ABCA13: variants seen among roughly 807,000 people sequenced by gnomAD.
The protein encoded by ABCA13 is ATP-binding cassette sub-family A member 13.
In ABCA13, 476 loss-of-function variants were observed where a neutral mutation model predicts 478.7. That is an observed-to-expected ratio of 0.99 (90% CI 0.92 to 1.07). The LOEUF (loss-of-function observed/expected upper bound fraction) is 1.07, where lower values mean the gene tolerates loss of function less well. Ranked by LOEUF, ABCA13 falls within the 50% of genes least tolerant of loss-of-function variation. The pLI is 0.00. For synonymous variants in ABCA13, 2,252 were observed against 2,158.9 expected (o/e 1.04, Z -1.20); for missense variants, 6,060 against 5,910.6 (o/e 1.03, Z -0.83).
At chr7:48,479,260 CAG>C (rs1432390159) in intron 45 of ABCA13, among the ~76,000 whole-genome samples, 3 of 135,018 alleles carry the variant, frequency 2.2e-5, no homozygotes, top group African/African-American at 8.4e-5. Flanking sequence ...TTTTTTGAGA[CAG>C]AGTCTCGCTC....
chr7:48,496,702 T>A (rs1830307672), intron 48 of ABCA13, among the ~76,000 whole-genome samples: 1 of 152,178 alleles, frequency 6.6e-6, no homozygotes, highest in South Asian at 2.1e-4. Context: ...ATATTTTCAC[T>A]GAATATAGAA....
intron 27 of ABCA13, among the ~76,000 whole-genome samples, chr7:48,330,787 A>T (rs1425067875): frequency 5.3e-5 from 8 of 152,208 alleles, no homozygotes; most frequent in Admixed American, 5.2e-4. Context: ...CCATCTATAC[A>T]TTAATCCATT....
At chr7:48,236,660 C>G (rs1331637306) in intron 8 of ABCA13, among the ~76,000 whole-genome samples, 1 of 152,200 alleles carries the variant, frequency 6.6e-6, no homozygotes, top group East Asian at 1.9e-4. Context: ...AATAAAAACC[C>G]TTGTGGTTAC....
At chr7:48,461,248 G>C (rs1353684867) in intron 43 of ABCA13, among the ~76,000 whole-genome samples, 1 of 152,148 alleles carries the variant, frequency 6.6e-6, no homozygotes, top group Non-Finnish European at 1.5e-5. Context: ...AACATACAAA[G>C]TGCTGGCTGC....
intron 27 of ABCA13, among the ~76,000 whole-genome samples, chr7:48,321,218 A>G (rs1480047505): frequency 6.6e-6 from 1 of 152,218 alleles, no homozygotes; most frequent in East Asian, 1.9e-4. Context: ...GGATGCTGCT[A>G]TACATCCTAC....
At chr7:48,277,628 C>G (rs970284530) in intron 17 of ABCA13, among the ~76,000 whole-genome samples, 1 of 152,154 alleles carries the variant, frequency 6.6e-6, no homozygotes, top group Non-Finnish European at 1.5e-5. Flanking sequence ...GAGAAACATA[C>G]AAGAAAGGGG....
At chr7:48,367,289 T>C (rs1010405374) in intron 31 of ABCA13, among the ~76,000 whole-genome samples, 1 of 152,132 alleles carries the variant, frequency 6.6e-6, no homozygotes, top group Non-Finnish European at 1.5e-5. Flanking sequence ...ATTGATGCCC[T>C]AGATAAGAGT....
intron 5 of ABCA13, among the ~76,000 whole-genome samples, chr7:48,226,289 G>A (rs907258249): frequency 6.6e-6 from 1 of 152,108 alleles, no homozygotes; most frequent in Admixed American, 6.5e-5. Context: ...AAGTCATGCC[G>A]AAAAGCATGG....
At chr7:48,422,187 G>T (rs1307307855) in intron 41 of ABCA13, among the ~76,000 whole-genome samples, 1 of 150,184 alleles carries the variant, frequency 6.7e-6, no homozygotes, top group Non-Finnish European at 1.5e-5. Context: ...CATCCTGTTT[G>T]TTGTTGTTTT....
chr7:48,619,361 G>A (rs899618985), intron 59 of ABCA13, among the ~76,000 whole-genome samples: 6 of 152,064 alleles, frequency 3.9e-5, no homozygotes, highest in Admixed American at 1.3e-4. Context: ...TATCTAGTGT[G>A]TATGTCTATC....
At chr7:48,204,109 CTCTTT>C (rs1784590233) in intron 3 of ABCA13, among the ~76,000 whole-genome samples, 1 of 143,726 alleles carries the variant, frequency 7.0e-6, no homozygotes, top group Non-Finnish European at 1.5e-5. Flanking sequence ...TCTCTTGACA[CTCTTT>C]TTTTTTTTTT....
chr7:48,335,404 A>T lies in ABCA13; in HGVS notation c.10000-18A>T, dbSNP rs780514927. The T allele has an allele frequency of 3.6e-5, 55 of 1,547,470 alleles. No homozygotes were observed. The Middle Eastern group carries it at 6.8e-4, about 19-fold the overall frequency. On this transcript the variant is annotated intron_variant, in intron 27 of 61. Transcript: ENST00000435803. ...ACAGCTGAATAAGAGACATATCCAAATATGCTTCATTTTGCAGGCTAATTA... is the reference window on the plus strand; with the variant it reads ...ACAGCTGAATAAGAGACATATCCAATTATGCTTCATTTTGCAGGCTAATTA...
At chr7:48,249,753 A>G (rs1315847650) in intron 15 of ABCA13, among the ~76,000 whole-genome samples, 1 of 152,182 alleles carries the variant, frequency 6.6e-6, no homozygotes, top group African/African-American at 2.4e-5. Flanking sequence ...ATGAACCTAT[A>G]GAAGAAAACA....
At chr7:48,394,637 A>G (rs1203361941) in intron 38 of ABCA13, among the ~76,000 whole-genome samples, 2 of 152,126 alleles carry the variant, frequency 1.3e-5, no homozygotes, top group Non-Finnish European at 2.9e-5. Flanking sequence ...TTGGTTCACT[A>G]TAGTATAATA....
intron 42 of ABCA13, among the ~76,000 whole-genome samples, chr7:48,453,001 G>GTA (rs750164498): frequency 2.0e-5 from 3 of 152,102 alleles, no homozygotes; most frequent in Non-Finnish European, 2.9e-5. Context: ...TTGTATGTGT[G>GTA]TATATATATA....
At chr7:48,431,671 GC>G (rs1168879687) in intron 42 of ABCA13, among the ~76,000 whole-genome samples, 1 of 151,966 alleles carries the variant, frequency 6.6e-6, no homozygotes, top group African/African-American at 2.4e-5. Flanking sequence ...TTATGTCTTT[GC>G]GGGCTCTGTT....
chr7:48,411,833 A>T (rs1819293631), intron 40 of ABCA13, among the ~76,000 whole-genome samples: 1 of 152,070 alleles, frequency 6.6e-6, no homozygotes, highest in African/African-American at 2.4e-5. Context: ...TGATGACTGT[A>T]TTTGACCCTT....
rs755229130 is a variant in ABCA13 at position 48,410,522 on chromosome 7, C to T, written c.12073C>T (p.Arg4025Cys). 15 of 1,613,890 alleles carry T rather than the reference C, an allele frequency of 9.3e-6. No homozygotes were observed. The highest frequency in any genetic ancestry group is 8.0e-5 in the African/African-American group (6 of 74,934). Residue 4025 changes from arginine (R) to cysteine (C), a missense_variant and splice_region_variant, in exon 40 of 62, where the codon CGT (arginine) becomes TGT (cysteine). Physicochemically the swap from Arg to Cys is radical, Grantham distance 180. Around this residue, in one of 3 missense-constraint regions of ABCA13, gnomAD observed 1,627 missense variants for 1,571.0 expected, o/e 1.04. Coordinates refer to ENST00000435803, the MANE Select transcript of ABCA13 (RefSeq NM_152701.5). The stretch of plus-strand genomic sequence containing the variant: ...ATGCACCCTGTGCTTGGACCCAGGT[C>T]GTACGATCATCTTCACAACCCACCA... ...WDILLKYREGRTIIFTTHHLD... is the reference protein window; with the variant it reads ...WDILLKYREGCTIIFTTHHLD...
At chr7:48,287,845 A>C in intron 19 of ABCA13, 115 bp from the exon 20 acceptor site, 1 of 756,972 alleles carries the variant, frequency 1.3e-6, no homozygotes. Flanking sequence ...TTGATGATTT[A>C]AGAAATGTTT....
Sources: gnomAD v4.1 joint callset for allele counts (sites outside exome capture counted in the v4.1 genomes callset) on GRCh38, gnomAD v4.1.1 for gene constraint, gnomAD v4.1.1 regional missense constraint, MANE v1.5 for transcripts, NCBI Gene and HGNC (gene_info 2026-07-23, HGNC 2026-07-21) for gene names.